NALF1: variants seen among roughly 807,000 people sequenced by gnomAD.
NALF1 encodes the protein NALCN channel auxiliary factor 1, also known as family with sequence similarity 155 member A.
NALF1 carries 3 observed loss-of-function variants against 48.4 expected under a neutral mutation model. The ratio of observed to expected loss-of-function variants is 0.06; its 90% confidence interval spans 0.03 to 0.16. The LOEUF (loss-of-function observed/expected upper bound fraction) is 0.16, where lower values mean the gene tolerates loss of function less well. Among genes scored for constraint, NALF1 ranks in the 10% least tolerant of loss-of-function variants. NALF1 has a pLI of 1.00. For synonymous variants in NALF1, 262 were observed against 245.7 expected (o/e 1.07, Z -0.62); for missense variants, 526 against 571.5 (o/e 0.92, Z 0.81).
Position 107,680,806 on chromosome 13 carries a change from AGTG to A in NALF1, c.915+184873_915+184875del, listed in dbSNP as rs1408174653. ...ATGTGTGTGTCCATGAGAGAGGGTG[AGTG>A]GTGTGAGTGTATGAGTGTGAATGTG... On this transcript the variant is annotated intron_variant, in intron 1 of 2. Transcript: ENST00000375915. Among the ~76,000 whole-genome samples the A allele has an allele frequency of 1.8e-4, 26 of 143,212 alleles. 1 individual carries two copies. Among genetic ancestry groups the A allele is most frequent in the African/African-American group, 6.6e-4 (25 of 37,824 alleles). The allele number at this position is 143,212 out of a possible 152,430, so 94.0% of individuals were successfully genotyped here.
intron 1 of NALF1, among the ~76,000 whole-genome samples, chr13:107,787,776 C>G (rs1878118538): frequency 6.6e-6 from 1 of 152,190 alleles, no homozygotes; most frequent in African/African-American, 2.4e-5. Context: ...GCCACTCTTT[C>G]CTGAACACTG....
chr13:107,713,176 G>T (rs913626046), intron 1 of NALF1, among the ~76,000 whole-genome samples: 2 of 152,152 alleles, frequency 1.3e-5, no homozygotes, highest in Non-Finnish European at 2.9e-5. Flanking sequence ...GGATCTTTTA[G>T]TTTAATTATG....
intron 1 of NALF1, among the ~76,000 whole-genome samples, chr13:107,420,858 C>T (rs543254255): frequency 6.6e-6 from 1 of 152,144 alleles, no homozygotes; most frequent in Admixed American, 6.6e-5. Flanking sequence ...TTTTTGTGTG[C>T]CTTCTTTGTC....
chr13:107,577,290 G>A (rs1046180955), intron 1 of NALF1, among the ~76,000 whole-genome samples: 8 of 152,152 alleles, frequency 5.3e-5, no homozygotes, highest in African/African-American at 1.9e-4. Context: ...TGAAACACAA[G>A]GCAAGCAATT....
At chr13:107,860,306 T>A (rs1412472426) in intron 1 of NALF1, among the ~76,000 whole-genome samples, 1 of 152,196 alleles carries the variant, frequency 6.6e-6, no homozygotes, top group East Asian at 1.9e-4. Flanking sequence ...TACCACTTTT[T>A]AAAAATATCT....
At chr13:107,556,272 C>CATATAT (rs56407804) in intron 1 of NALF1, among the ~76,000 whole-genome samples, 1,534 of 131,256 alleles carry the variant, frequency 0.012, 29 homozygotes, top group African/African-American at 0.042. Context: ...TCTCTCTCAA[C>CATATAT]ATATATATAT....
intron 1 of NALF1, among the ~76,000 whole-genome samples, chr13:107,778,935 A>C (rs1877814058): frequency 6.6e-6 from 1 of 152,188 alleles, no homozygotes. Flanking sequence ...TCCCAGGATC[A>C]ATTATTTTTA....
intron 1 of NALF1, among the ~76,000 whole-genome samples, chr13:107,399,098 C>A (rs1025055911): frequency 3.3e-5 from 5 of 151,972 alleles, no homozygotes; most frequent in Admixed American, 6.6e-5. Flanking sequence ...TTGTGCGCAC[C>A]GTATTTACTG....
rs111706912 is a variant in NALF1 at position 107,654,979 on chromosome 13, G to A, written c.915+210703C>T. 4.4e-3 allele frequency among the ~76,000 whole-genome samples: 674 copies of A among 152,136 alleles called. 7 individuals carry two copies. Among genetic ancestry groups the A allele is most frequent in the African/African-American group, 0.015 (605 of 41,540 alleles). On this transcript the variant is annotated intron_variant, in intron 1 of 2. Transcript: ENST00000375915. ...AATGATTAAAACCCTCAGCCAAATC[G>A]GTATAGAAGGGACATACCTTAAGGT...
intron 1 of NALF1, among the ~76,000 whole-genome samples, chr13:107,601,761 A>C (rs1301076222): frequency 6.6e-6 from 1 of 152,182 alleles, no homozygotes; most frequent in East Asian, 1.9e-4. Context: ...ACACAATAAA[A>C]AAAAATCACT....
intron 1 of NALF1, among the ~76,000 whole-genome samples, chr13:107,562,532 A>G (rs1877677494): frequency 6.6e-6 from 1 of 152,310 alleles, no homozygotes; most frequent in East Asian, 1.9e-4. Flanking sequence ...ATATCAATAC[A>G]AACGTTTCCA....
chr13:107,171,938 T>C (rs1018810921), intron 2 of NALF1, among the ~76,000 whole-genome samples: 1 of 152,218 alleles, frequency 6.6e-6, no homozygotes, highest in Admixed American at 6.5e-5. Flanking sequence ...AGAAATAACA[T>C]GAAAATTTGG....
intron 1 of NALF1, among the ~76,000 whole-genome samples, chr13:107,699,818 A>C (rs1174585924): frequency 6.6e-6 from 1 of 152,160 alleles, no homozygotes; most frequent in African/African-American, 2.4e-5. Flanking sequence ...ACCTGAATTC[A>C]GTGAAGGTTC....
At chr13:107,294,969 C>A (rs974719789) in intron 1 of NALF1, among the ~76,000 whole-genome samples, 4 of 149,432 alleles carry the variant, frequency 2.7e-5, no homozygotes, top group African/African-American at 9.9e-5. Flanking sequence ...ATTGTTGCTA[C>A]CCATGTACTG....
At chr13:107,767,683 T>C (rs1877453844) in intron 1 of NALF1, among the ~76,000 whole-genome samples, 2 of 152,216 alleles carry the variant, frequency 1.3e-5, no homozygotes, top group Admixed American at 6.5e-5. Context: ...TATATTTCAC[T>C]AAAGTATCAC....
In NALF1 at chr13:107,325,845, CACACACACACATATATATATATAT is replaced by C. The variant is rs1367432308; in HGVS notation, c.916-115114_916-115091del. 4.1e-4 allele frequency among the ~76,000 whole-genome samples: 18 copies of C among 44,072 alleles called. 1 individual carries two copies. In the South Asian group the frequency reaches 0.011, roughly 28 times the overall value. The allele number at this position is 44,072 out of a possible 152,430, so 28.9% of individuals were successfully genotyped here. A position where few individuals can be genotyped will look rare whatever the true frequency, so the allele number is the denominator to read the frequency against. On this transcript the variant is annotated intron_variant, in intron 1 of 2. Transcript: ENST00000375915. ...ATGAGAGAGAAACTGTGTCTCAACACACACACACACATATATATATATATATATATATATATATATATACACACA... is the reference window on the plus strand; with the variant it reads ...ATGAGAGAGAAACTGTGTCTCAACACATATATATATATATATATACACACA...
chr13:107,418,088 A>G (rs1270406694), intron 1 of NALF1, among the ~76,000 whole-genome samples: 1 of 152,174 alleles, frequency 6.6e-6, no homozygotes, highest in Non-Finnish European at 1.5e-5. Flanking sequence ...TTAATTAAAT[A>G]CATGGGCTTA....
At position 107,628,084 on chromosome 13, in the gene NALF1, T is replaced by C. The variant is rs555033991; in HGVS notation, c.915+237598A>G. 1.7e-3 allele frequency among the ~76,000 whole-genome samples: 258 copies of C among 152,216 alleles called. 1 individual carries two copies. The Middle Eastern group carries it at 0.034, about 20-fold the overall frequency. On this transcript the variant is annotated intron_variant, in intron 1 of 2. Coordinates refer to ENST00000375915, the MANE Select transcript of NALF1 (RefSeq NM_001080396.3). ...CAGATCAGACATTCTCTGTCTTCAATGACACAGAGTTCTTTCTATCCTGTA... is the reference window on the plus strand; with the variant it reads ...CAGATCAGACATTCTCTGTCTTCAACGACACAGAGTTCTTTCTATCCTGTA...
At chr13:107,857,370 T>C (rs972298638) in intron 1 of NALF1, among the ~76,000 whole-genome samples, 7 of 152,184 alleles carry the variant, frequency 4.6e-5, no homozygotes, top group Admixed American at 2.0e-4. Flanking sequence ...AGTTCACATC[T>C]TCTACAGTGG....
Sources: allele counts gnomAD v4.1 joint callset (sites outside exome capture counted in the v4.1 genomes callset), GRCh38; gene constraint gnomAD v4.1.1; transcripts MANE v1.5; gene names NCBI Gene and HGNC (gene_info 2026-07-23, HGNC 2026-07-21).